Variants in CACNA1B observed in about 807,000 individuals in gnomAD.
CACNA1B encodes the protein voltage-dependent N-type calcium channel subunit alpha-1B.
A neutral mutation model predicts 247.2 loss-of-function variants in CACNA1B; 70 were observed. The observed-to-expected ratio is 0.28, with a 90% confidence interval of 0.23 to 0.35. CACNA1B has a LOEUF of 0.35. CACNA1B is among the 10% of genes least tolerant of loss of function. The pLI is 1.00. For missense variants in CACNA1B, 2,367 were observed against 3,197.4 expected (o/e 0.74, Z 6.26); for synonymous variants, 1,231 against 1,294.4 (o/e 0.95, Z 1.05).
intron 6 of CACNA1B, among the ~76,000 whole-genome samples, chr9:137,933,298 G>A (rs181187545): frequency 4.6e-5 from 7 of 152,176 alleles, no homozygotes; most frequent in Admixed American, 3.9e-4. Context: ...TGATCTGCCC[G>A]CCTTGGCCTC....
At chr9:137,940,635 T>C (rs2133318418) in intron 6 of CACNA1B, among the ~76,000 whole-genome samples, 1 of 152,252 alleles carries the variant, frequency 6.6e-6, no homozygotes, top group East Asian at 1.9e-4. Context: ...TACAAACCAA[T>C]ATCCCTGATG....
intron 12 of CACNA1B, among the ~76,000 whole-genome samples, 180 bp from the exon 13 acceptor site, chr9:137,983,958 G>A (rs1290992196): frequency 6.6e-6 from 1 of 152,024 alleles, no homozygotes; most frequent in Non-Finnish European, 1.5e-5. Context: ...CTTTCCCAAA[G>A]GTTCCAAGAG....
At chr9:137,895,247 G>A (rs777837532) in intron 3 of CACNA1B, among the ~76,000 whole-genome samples, 14 of 152,154 alleles carry the variant, frequency 9.2e-5, no homozygotes, top group Non-Finnish European at 1.5e-5. Context: ...CGGTAGTTAT[G>A]TAATAAGGCT....
intron 3 of CACNA1B, among the ~76,000 whole-genome samples, chr9:137,905,885 A>C (rs1237073937): frequency 6.6e-6 from 1 of 152,204 alleles, no homozygotes; most frequent in African/African-American, 2.4e-5. Flanking sequence ...TTGTCCTAAG[A>C]CACTGTCACC....
At chr9:137,918,210 T>G (rs1957434584) in intron 6 of CACNA1B, among the ~76,000 whole-genome samples, 1 of 151,178 alleles carries the variant, frequency 6.6e-6, no homozygotes, top group African/African-American at 2.4e-5. Flanking sequence ...GTATAAGGCT[T>G]GGGGGGGGTG....
chr9:138,016,054 TCACA>T (rs778786169), intron 18 of CACNA1B, among the ~76,000 whole-genome samples: 2 of 151,606 alleles, frequency 1.3e-5, no homozygotes, highest in South Asian at 4.2e-4. Context: ...ACACACAGAC[TCACA>T]CAGACACACA....
intron 15 of CACNA1B, among the ~76,000 whole-genome samples, chr9:138,000,322 T>A (rs1248952345): frequency 2.0e-5 from 3 of 152,020 alleles, no homozygotes; most frequent in South Asian, 4.2e-4. Context: ...ATGGTCTCGA[T>A]CTCCTGACCT....
chr9:138,075,935 C>G (rs1564274398), intron 35 of CACNA1B, 25 bp downstream of exon 35: 1 of 1,484,508 alleles, frequency 6.7e-7, no homozygotes, highest in Admixed American at 1.7e-5. Context: ...CAGCCCAGGC[C>G]AATGTCTGCT....
intron 20 of CACNA1B, among the ~76,000 whole-genome samples, chr9:138,043,502 A>G (rs933894513): frequency 1.3e-5 from 2 of 152,042 alleles, no homozygotes; most frequent in African/African-American, 4.8e-5. Context: ...AGAGGGGTCC[A>G]CAGCCACGGG....
At position 138,010,001 on chromosome 9, in the gene CACNA1B, C is replaced by T; in HGVS notation, c.2093-9C>T. On this transcript the variant is annotated splice_polypyrimidine_tract_variant and intron_variant, in intron 16 of 46. Transcript: ENST00000371372. The surrounding 1 kb of genome is among the most constrained non-coding windows in gnomAD (Gnocchi z 5.3). The stretch of plus-strand genomic sequence containing the variant: ...GCAGAGGTTCCCTTCCTCAGCTGGA[C>T]CCAACCAGACACTCTGCTGAATGTC... 6.2e-7 allele frequency: 1 copy of T among 1,612,252 alleles called. No individual in the cohort carries two copies.
In CACNA1B at chr9:138,124,191, CA is replaced by C. The variant is rs1198175475; in HGVS notation, c.*2195del. 6.6e-6 allele frequency: 1 copy of C among 152,088 alleles called. No homozygotes were observed. The highest frequency in any genetic ancestry group is 1.5e-5 in the Non-Finnish European group (1 of 68,034). The allele number at this position is 152,088 out of a possible 1,614,324, so 9.4% of individuals were successfully genotyped here. ...TCCCCTGAATCTCATAGTGAGCTGC[CA>C]AATTTGAAGTGCATCACCCAGTTGT... On this transcript the variant is annotated 3_prime_UTR_variant, in exon 47 of 47. Transcript: ENST00000371372.
At position 138,054,505 on chromosome 9, in the gene CACNA1B, CG is replaced by C. The variant is rs1488129475; in HGVS notation, c.3968+502del. On this transcript the variant is annotated intron_variant, in intron 26 of 46. Transcript: ENST00000371372. The surrounding 1 kb of genome is among the most constrained non-coding windows in gnomAD (Gnocchi z 4.6). ...GCTGGTTAGCTGCCTGTGTGGACCC[CG>C]GGCAAGGCAGTACCCACAGTGTCTT... Among the ~76,000 whole-genome samples, 2 of 152,186 alleles carry C rather than the reference CG, an allele frequency of 1.3e-5. No individual in the cohort carries two copies. The highest frequency in any genetic ancestry group is 2.9e-5 in the Non-Finnish European group (2 of 68,036).
intron 40 of CACNA1B, among the ~76,000 whole-genome samples, chr9:138,114,159 C>T (rs1164698077): frequency 1.3e-5 from 2 of 152,136 alleles, no homozygotes; most frequent in East Asian, 3.9e-4. Context: ...TCAGGGCAGT[C>T]AGGAGGGCCA....
At chr9:138,106,809 C>T (rs1961443906) in intron 39 of CACNA1B, among the ~76,000 whole-genome samples, 1 of 152,120 alleles carries the variant, frequency 6.6e-6, no homozygotes, top group African/African-American at 2.4e-5. Context: ...CTTCCCTATT[C>T]TCTCCTTTCT....
rs970388193 is a variant in CACNA1B at position 138,124,377 on chromosome 9, G to T, written c.*2378G>T. 1 of 150,480 alleles carries T rather than the reference G, an allele frequency of 6.6e-6. No homozygotes were observed. Among genetic ancestry groups the T allele is most frequent in the Non-Finnish European group, 1.5e-5 (1 of 67,810 alleles). 9.3% of individuals were successfully genotyped at this position (150,480 alleles called of 1,614,324 possible). On this transcript the variant is annotated 3_prime_UTR_variant, in exon 47 of 47. Transcript: ENST00000371372. ...CATTTGTTAATTTTTAATTATATTT[G>T]ATATAAATCAAAGGTTTGTTGCAAA...
chr9:137,916,030 A>ATTTT (rs571447142), intron 5 of CACNA1B, among the ~76,000 whole-genome samples: 9 of 129,558 alleles, frequency 6.9e-5, no homozygotes, highest in African/African-American at 8.7e-5. Flanking sequence ...TTGTTATACA[A>ATTTT]TTTTTTTTTT....
At chr9:137,926,694 C>T (rs1957555014) in intron 6 of CACNA1B, among the ~76,000 whole-genome samples, 1 of 152,166 alleles carries the variant, frequency 6.6e-6, no homozygotes, top group African/African-American at 2.4e-5. Context: ...ACATCCTCAC[C>T]AATACTTGTT....
chr9:137,996,778 G>A (rs1958505941), intron 15 of CACNA1B, among the ~76,000 whole-genome samples: 1 of 152,026 alleles, frequency 6.6e-6, no homozygotes, highest in African/African-American at 2.4e-5. Flanking sequence ...CTCCTCCGCA[G>A]AATATAAAAA....
At chr9:138,079,155 G>A (rs1223182603) in intron 36 of CACNA1B, among the ~76,000 whole-genome samples, 1 of 152,166 alleles carries the variant, frequency 6.6e-6, no homozygotes, top group Non-Finnish European at 1.5e-5. Flanking sequence ...GGCCACTCCC[G>A]AGACTGCATC....
Sources: allele counts gnomAD v4.1 joint callset (sites outside exome capture counted in the v4.1 genomes callset), GRCh38; gene constraint gnomAD v4.1.1; non-coding constraint Gnocchi (gnomAD v3.1); transcripts MANE v1.5; gene names NCBI Gene and HGNC (gene_info 2026-07-23, HGNC 2026-07-21).